ACP6: variants seen among roughly 807,000 people sequenced by gnomAD.
ACP6 encodes the protein lysophosphatidic acid phosphatase type 6.
ACP6 carries 48 observed loss-of-function variants against 48.1 expected under a neutral mutation model. That is an observed-to-expected ratio of 1.00 (90% confidence interval 0.79 to 1.27). The LOEUF is 1.27. Ranked by LOEUF, ACP6 falls within the 50% of genes most tolerant of loss-of-function variation. The pLI, the probability that ACP6 is intolerant of heterozygous loss-of-function variation, is 0.00. For synonymous variants in ACP6, 172 were observed against 204.2 expected (o/e 0.84, Z 1.34); for missense variants, 485 against 529.1 (o/e 0.92, Z 0.82).
rs1659536170 is a variant in ACP6 at position 147,643,994 on chromosome 1, T to C, written c.*3429A>G. On this transcript the variant is annotated 3_prime_UTR_variant, in exon 10 of 10. Coordinates refer to ENST00000583509, the MANE Select transcript of ACP6 (RefSeq NM_016361.5). ...GAAAAGCAAAAGAGAAGGAACCCAT[T>C]CCTGCAAGCCCTTTTTATAATGGCA... 1 of 152,170 alleles carries C rather than the reference T, an allele frequency of 6.6e-6. No individual in the cohort carries two copies. Among genetic ancestry groups the C allele is most frequent in the South Asian group, 2.1e-4 (1 of 4,834 alleles). The allele number at this position is 152,170 out of a possible 1,614,324, so 9.4% of individuals were successfully genotyped here.
In ACP6 at chr1:147,670,161, G is replaced by T. The variant is rs782413527; in HGVS notation, c.-113C>A. 3.0e-6 allele frequency: 3 copies of T among 1,001,198 alleles called. No individual in the cohort carries two copies. The highest frequency in any genetic ancestry group is 4.3e-6 in the Non-Finnish European group (3 of 705,802). 62.0% of individuals were successfully genotyped at this position (1,001,198 alleles called of 1,614,324 possible). On this transcript the variant is annotated 5_prime_UTR_variant, in exon 1 of 10. The change creates a premature stop within an existing upstream ORF in the 5' untranslated region. Transcript: ENST00000583509. Reference sequence around the variant, plus strand: ...CAAGTCCGCGGGAACCTGCGGATGCGTACATCCAGCCCTTCAGCAAGCAGG... The same window carrying T: ...CAAGTCCGCGGGAACCTGCGGATGCTTACATCCAGCCCTTCAGCAAGCAGG...
intron 1 of ACP6, among the ~76,000 whole-genome samples, chr1:147,660,716 T>G (rs1660504602): frequency 2.6e-5 from 4 of 152,194 alleles, no homozygotes; most frequent in Admixed American, 2.6e-4. Context: ...CTAATTAATC[T>G]TTTTGGAAAA....
chr1:147,650,264 C>G, intron 7 of ACP6, 26 bp from the exon 8 acceptor site: 1 of 1,545,126 alleles, frequency 6.5e-7, no homozygotes, highest in East Asian at 2.4e-5. Context: ...AACATTTAAG[C>G]ACCTAGAGGG....
Position 147,670,001 on chromosome 1 carries a change from G to A in ACP6, c.48C>T (p.Val16=), listed in dbSNP as rs1553214414. 1 of 1,547,078 alleles carries A rather than the reference G, an allele frequency of 6.5e-7. No homozygotes were observed. The highest frequency in any genetic ancestry group is 8.7e-7 in the Non-Finnish European group (1 of 1,145,304). ...FSMRLWTPVG[V]LTSLAYCLHQ... ...GCAGGCAGTACGCCAGCGAGGTCAG[G>A]ACGCCCACTGGGGTCCACAAGCGCA... Residue 16 remains valine, a synonymous_variant, in exon 1 of 10, where the codon GTC becomes GTT. Coordinates refer to ENST00000583509, the MANE Select transcript of ACP6 (RefSeq NM_016361.5).
chr1:147,636,892 G>A (rs587633113), intron 5 of ACP6, among the ~76,000 whole-genome samples: 163 of 152,324 alleles, frequency 1.1e-3, no homozygotes, highest in African/African-American at 3.8e-3. Flanking sequence ...CCTGGGCACT[G>A]AAAGGTAGCA....
At chr1:147,639,154 G>C (rs1659384397), downstream of ACP6, among the ~76,000 whole-genome samples, 1 of 152,216 alleles carries the variant, frequency 6.6e-6, no homozygotes, top group Non-Finnish European at 1.5e-5. Context: ...ACCTGGCCAA[G>C]ATGTACAATC....
intron 6 of ACP6, among the ~76,000 whole-genome samples, chr1:147,652,889 C>G (rs587599402): frequency 2.9e-5 from 1 of 34,948 alleles, no homozygotes; most frequent in African/African-American, 9.3e-5. Context: ...TGCAGTGGCA[C>G]GATCTCGGCT....
intron 7 of ACP6, chr1:147,650,588 G>T (rs1379814447): frequency 9.6e-6 from 2 of 208,338 alleles, no homozygotes; most frequent in Non-Finnish European, 1.9e-5. Flanking sequence ...AGAAGAAGGG[G>T]TAATAATTTC....
In ACP6 at chr1:147,647,568, T is replaced by A. The variant is rs781824524; in HGVS notation, c.1144-2A>T. Reference sequence around the variant, plus strand: ...AGGGCAACCTCTCGGCACCTGCTCCTGCAGAAGAAACATAACTCAGCAGGT... The same window carrying A: ...AGGGCAACCTCTCGGCACCTGCTCCAGCAGAAGAAACATAACTCAGCAGGT... On this transcript the variant is annotated splice_acceptor_variant, in intron 9 of 9. Coordinates refer to ENST00000583509, the MANE Select transcript of ACP6 (RefSeq NM_016361.5). LOFTEE classifies it high-confidence loss of function. 7 of 1,611,738 alleles carry A rather than the reference T, an allele frequency of 4.3e-6. No individual in the cohort carries two copies. Among genetic ancestry groups the A allele is most frequent in the Non-Finnish European group, 5.9e-6 (7 of 1,179,762 alleles).
At chr1:147,652,242 CAG>C in intron 7 of ACP6, 1 of 502,212 alleles carries the variant, frequency 2.0e-6, no homozygotes, top group African/African-American at 1.9e-5. Flanking sequence ...TTCTGCATAA[CAG>C]GGAACAGAAG....
At chr1:147,654,854 C>T (rs782673354) in intron 5 of ACP6, among the ~76,000 whole-genome samples, 18 of 152,124 alleles carry the variant, frequency 1.2e-4, no homozygotes, top group South Asian at 4.1e-4. Context: ...CCTGAGAGAC[C>T]GGGGTTGTCA....
At chr1:147,662,671 C>A (rs138993486) in intron 1 of ACP6, among the ~76,000 whole-genome samples, 10 of 152,326 alleles carry the variant, frequency 6.6e-5, no homozygotes, top group Non-Finnish European at 1.5e-4. Flanking sequence ...GAGAGGGAAT[C>A]TAGTCCTGGT....
chr1:147,633,602 T>C (rs1659226111), intron 5 of ACP6, among the ~76,000 whole-genome samples: 1 of 151,842 alleles, frequency 6.6e-6, no homozygotes, highest in Non-Finnish European at 1.5e-5. Context: ...TCACTCCTAA[T>C]CCTGTGTATT....
chr1:147,662,086 A>G (rs1553212873), intron 1 of ACP6, among the ~76,000 whole-genome samples: 1 of 152,256 alleles, frequency 6.6e-6, no homozygotes, highest in Non-Finnish European at 1.5e-5. Flanking sequence ...ATCTGTTTAC[A>G]GCATGGTCTA....
rs587637016 is a variant in ACP6, at chr1:147,630,080, GCAAAATACCTGC to G, written c.*961_*972del. On this transcript the variant is annotated 3_prime_UTR_variant, in exon 6 of 6. Coordinates refer to the ACP6 transcript ENST00000609196. ...ACACGAAAGAAACCAGATTTCTCTTGCAAAATACCTGCTTAGTGTCCACGAACAATTATGTGG... is the reference window on the plus strand; with the variant it reads ...ACACGAAAGAAACCAGATTTCTCTTGTTAGTGTCCACGAACAATTATGTGG... The G allele has an allele frequency of 1.6e-4, 25 of 152,330 alleles. No homozygotes were observed. The East Asian group carries it at 4.8e-3, about 29-fold the overall frequency. The allele number at this position is 152,330 out of a possible 1,614,324, so 9.4% of individuals were successfully genotyped here.
At position 147,644,934 on chromosome 1, in the gene ACP6, A is replaced by C. The variant is rs1659567218; in HGVS notation, c.*2489T>G. 1 of 152,088 alleles carries C rather than the reference A, an allele frequency of 6.6e-6. No homozygotes were observed. Among genetic ancestry groups the C allele is most frequent in the African/African-American group, 2.4e-5 (1 of 41,416 alleles). The allele number at this position is 152,088 out of a possible 1,614,324, so 9.4% of individuals were successfully genotyped here. ...ATTCACAGGGAAAGGTCTAGGTTGAAGGTATAAATTTAGGAGACATTGTGT... is the reference window on the plus strand; with the variant it reads ...ATTCACAGGGAAAGGTCTAGGTTGACGGTATAAATTTAGGAGACATTGTGT... On this transcript the variant is annotated 3_prime_UTR_variant, in exon 10 of 10. Transcript: ENST00000583509.
rs139038050 is a variant in ACP6 at position 147,664,709 on chromosome 1, AC to A, written c.220-4935del. Among the ~76,000 whole-genome samples, 5 of 152,246 alleles carry A rather than the reference AC, an allele frequency of 3.3e-5. No individual in the cohort carries two copies. In the East Asian group the frequency reaches 9.6e-4, roughly 29 times the overall value. On this transcript the variant is annotated intron_variant, in intron 1 of 9. Coordinates refer to ENST00000583509, the MANE Select transcript of ACP6 (RefSeq NM_016361.5). Reference sequence around the variant, plus strand: ...AAGATACCCATCTTGAGAAAACTTGACCCTGCCTTTCCTGGGTGTTCAAGTT... The same window carrying A: ...AAGATACCCATCTTGAGAAAACTTGACCTGCCTTTCCTGGGTGTTCAAGTT...
intron 5 of ACP6, 74 bp from the exon 6 acceptor site, chr1:147,654,400 G>A: frequency 6.5e-7 from 1 of 1,536,858 alleles, no homozygotes; most frequent in Middle Eastern, 1.7e-4. Context: ...TCACACTTGG[G>A]TTATCATTTG....
chr1:147,640,866 C>A (rs1354596479), downstream of ACP6, among the ~76,000 whole-genome samples: 1 of 152,156 alleles, frequency 6.6e-6, no homozygotes, highest in East Asian at 1.9e-4. Context: ...AGACAGGGGT[C>A]AGGTTTCTAG....
Sources: gnomAD v4.1 joint callset for allele counts (sites outside exome capture counted in the v4.1 genomes callset) on GRCh38, gnomAD v4.1.1 for gene constraint, MANE v1.5 for transcripts, NCBI Gene and HGNC (gene_info 2026-07-23, HGNC 2026-07-21) for gene names.